Variants in RAI1 observed in about 807,000 individuals in gnomAD.
RAI1 encodes the protein retinoic acid induced 1.
RAI1 carries 9 observed loss-of-function variants against 123.8 expected under a neutral mutation model. That is an observed-to-expected ratio of 0.07 (90% CI 0.04 to 0.13). RAI1 has a LOEUF of 0.13. RAI1 is among the 10% of genes least tolerant of loss of function. The pLI, the probability that RAI1 is intolerant of heterozygous loss-of-function variation, is 1.00. For synonymous variants in RAI1, 1,231 were observed against 1,127.3 expected (o/e 1.09, Z -1.84); for missense variants, 2,256 against 2,545.8 (o/e 0.89, Z 2.45).
intron 1 of RAI1, among the ~76,000 whole-genome samples, chr17:17,716,232 G>A (rs993489639): frequency 5.9e-5 from 9 of 152,202 alleles, no homozygotes; most frequent in African/African-American, 2.2e-4. Flanking sequence ...GTGGCTGGAG[G>A]GGTCACTTGT....
In RAI1 at chr17:17,801,098, C is replaced by T. The variant is rs889573579; in HGVS notation, c.5565+2585C>T. 2.6e-5 allele frequency among the ~76,000 whole-genome samples: 4 copies of T among 152,224 alleles called. No homozygotes were observed. Among genetic ancestry groups the T allele is most frequent in the East Asian group, 3.8e-4 (2 of 5,196 alleles). ...GCTCTGGAGGGCAGAACCTCTGAGC[C>T]AGCTCTCAGGGATACCTTTTTTCCT... On this transcript the variant is annotated intron_variant, in intron 3 of 5. Coordinates refer to ENST00000353383, the MANE Select transcript of RAI1 (RefSeq NM_030665.4). The surrounding 1 kb of genome is among the most constrained non-coding windows in gnomAD (Gnocchi z 4.1).
intron 1 of RAI1, among the ~76,000 whole-genome samples, chr17:17,694,880 C>T (rs1366411911): frequency 6.6e-6 from 1 of 151,952 alleles, no homozygotes; most frequent in Non-Finnish European, 1.5e-5. Flanking sequence ...GGTCTTTTTC[C>T]GGGAACGCGG....
intron 2 of RAI1, among the ~76,000 whole-genome samples, chr17:17,752,553 C>T (rs1359876546): frequency 6.6e-6 from 1 of 152,220 alleles, no homozygotes; most frequent in Non-Finnish European, 1.5e-5. Context: ...GCCTCCAGAC[C>T]CGGGCTTCCT....
At chr17:17,688,775 T>G (rs944139589) in intron 1 of RAI1, among the ~76,000 whole-genome samples, 1 of 151,736 alleles carries the variant, frequency 6.6e-6, no homozygotes, top group Non-Finnish European at 1.5e-5. Flanking sequence ...AATGTTTGTA[T>G]TTTTAGTAGA....
chr17:17,723,343 C>A (rs1598035203), intron 1 of RAI1, among the ~76,000 whole-genome samples: 1 of 149,040 alleles, frequency 6.7e-6, no homozygotes, highest in African/African-American at 2.4e-5. Flanking sequence ...ATCCAGACCC[C>A]CCCCCCCAAG....
chr17:17,776,653 GCTCA>G (rs2031354736), intron 2 of RAI1: 1 of 135,968 alleles, frequency 7.4e-6, no homozygotes, highest in Non-Finnish European at 1.5e-5. Flanking sequence ...ACCGTGCCTG[GCTCA>G]CTTTTTTTTT....
intron 2 of RAI1, among the ~76,000 whole-genome samples, chr17:17,783,345 T>G (rs950591679): frequency 6.6e-6 from 1 of 151,762 alleles, no homozygotes; most frequent in African/African-American, 2.4e-5. Flanking sequence ...CGGGCTGGGC[T>G]GCGGAGGCGG....
chr17:17,763,852 C>G (rs1044294425), intron 2 of RAI1, among the ~76,000 whole-genome samples: 4 of 152,240 alleles, frequency 2.6e-5, no homozygotes, highest in Admixed American at 1.3e-4. Flanking sequence ...TTGACCCTCA[C>G]TCATGCCAGG....
At chr17:17,763,794 C>T (rs2350971) in intron 2 of RAI1, among the ~76,000 whole-genome samples, 4 of 152,198 alleles carry the variant, frequency 2.6e-5, no homozygotes, top group Non-Finnish European at 5.9e-5. Context: ...ATAGGCTGGG[C>T]GTGCTGCATA....
At chr17:17,767,206 C>G (rs2030972312) in intron 2 of RAI1, among the ~76,000 whole-genome samples, 1 of 152,196 alleles carries the variant, frequency 6.6e-6, no homozygotes, top group African/African-American at 2.4e-5. Context: ...GAGGAGCCTA[C>G]TGAATCCTCA....
intron 2 of RAI1, among the ~76,000 whole-genome samples, chr17:17,751,606 CT>C (rs2030172441): frequency 6.6e-6 from 1 of 152,246 alleles, no homozygotes; most frequent in African/African-American, 2.4e-5. Context: ...TAACTCTTCC[CT>C]AGCTATGCAC....
intron 1 of RAI1, among the ~76,000 whole-genome samples, chr17:17,723,348 C>CA (rs1165521863): frequency 6.6e-6 from 1 of 150,524 alleles, no homozygotes. Context: ...GACCCCCCCC[C>CA]CCAAGCCCCG....
At position 17,795,862 on chromosome 17, in the gene RAI1, C is replaced by G; in HGVS notation, c.2914C>G (p.Leu972Val). 1 of 1,613,024 alleles carries G rather than the reference C, an allele frequency of 6.2e-7. No homozygotes were observed. Among genetic ancestry groups the G allele is most frequent in the Non-Finnish European group, 8.5e-7 (1 of 1,180,002 alleles). ...PGDSTTSDAS[L>V]AQKPNKPAVP... ...GGATTCCACCACCTCGGACGCCTCT[C>G]TGGCCCAGAAGCCCAACAAGCCTGC... The change falls in exon 3 of 6, where the codon CTG becomes GTG. Residue 972 changes from leucine to valine, a missense_variant. By Grantham distance (32) the Leu-to-Val change is conservative. Around this residue, in one of 7 missense-constraint regions of RAI1, gnomAD observed 566 missense variants for 616.0 expected, o/e 0.92. Transcript: ENST00000353383. This position sits in a 1 kb window ranked among gnomAD's most constrained non-coding sequence, Gnocchi z 5.9.
chr17:17,786,717 A>C (rs2031839003), intron 2 of RAI1, among the ~76,000 whole-genome samples: 1 of 152,222 alleles, frequency 6.6e-6, no homozygotes, highest in Admixed American at 6.5e-5. Context: ...GAAGTAAGTC[A>C]TGGACCCTCT....
chr17:17,716,545 T>C (rs4074643), intron 1 of RAI1, among the ~76,000 whole-genome samples: 101,242 of 152,114 alleles, frequency 0.67, 34,679 homozygotes, highest in African/African-American at 0.79. Context: ...CGTGTGTGTG[T>C]ACACGTGTCT....
chr17:17,724,216 C>A lies in RAI1; in HGVS notation c.-17+57C>A, dbSNP rs1174436712. On this transcript the variant is annotated intron_variant, in intron 2 of 5. Coordinates refer to ENST00000353383, the MANE Select transcript of RAI1 (RefSeq NM_030665.4). ...GCGGGCTGCTGTGGGCGCCAGGGCT[C>A]CCCGAGCCCCCGGCCCGCCGCCGCG... The A allele has an allele frequency of 2.0e-5, 3 of 151,230 alleles. No homozygotes were observed. In the East Asian group the frequency reaches 6.0e-4, roughly 30 times the overall value. The allele number at this position is 151,230 out of a possible 1,614,324, so 9.4% of individuals were successfully genotyped here.
chr17:17,805,095 T>TC (rs1320012992), intron 4 of RAI1, among the ~76,000 whole-genome samples: 1 of 152,060 alleles, frequency 6.6e-6, no homozygotes, highest in Non-Finnish European at 1.5e-5. Context: ...TCTCTTGACC[T>TC]CGTGATCCGC....
rs377747563 is a variant in RAI1 at position 17,798,465 on chromosome 17, C to G, written c.5517C>G (p.Ala1839=). 2 of 1,606,054 alleles carry G rather than the reference C, an allele frequency of 1.2e-6. No individual in the cohort carries two copies. Among genetic ancestry groups the G allele is most frequent in the Non-Finnish European group, 1.7e-6 (2 of 1,179,880 alleles). The change falls in exon 3 of 6, where the codon GCC becomes GCG. Residue 1839 remains alanine, a synonymous_variant. Transcript: ENST00000353383. ...GGACCGGCGGCGTCTACCTGGTGGC[C>G]GGGAAGCTCTTTGGGCTGCAGGAGG... ...AVWTGGVYLV[A]GKLFGLQEAM...
At chr17:17,698,266 C>G (rs914700733) in intron 1 of RAI1, among the ~76,000 whole-genome samples, 1 of 152,198 alleles carries the variant, frequency 6.6e-6, no homozygotes, top group East Asian at 1.9e-4. Flanking sequence ...CTGGGTGGCT[C>G]ATGGCAGGCT....
Sources: allele counts gnomAD v4.1 joint callset (sites outside exome capture counted in the v4.1 genomes callset), GRCh38; gene constraint gnomAD v4.1.1; regional missense constraint gnomAD v4.1.1; non-coding constraint Gnocchi (gnomAD v3.1); transcripts MANE v1.5; gene names NCBI Gene and HGNC (gene_info 2026-07-23, HGNC 2026-07-21).